ZNF558: variants seen among roughly 807,000 people sequenced by gnomAD.
The protein encoded by ZNF558 is zinc finger protein 558.
ZNF558 carries 23 observed loss-of-function variants against 37.6 expected under a neutral mutation model. That is an observed-to-expected ratio of 0.61 (90% confidence interval 0.44 to 0.87). ZNF558 has a LOEUF of 0.87. Ranked by LOEUF, ZNF558 falls within the 40% of genes least tolerant of loss-of-function variation. The pLI is 0.00. For synonymous variants in ZNF558, 189 were observed against 174.4 expected, an observed-to-expected ratio of 1.08 and a Z score of -0.66; for missense variants, 429 against 483.7, an observed-to-expected ratio of 0.89 and a Z score of 1.06.
chr19:8,819,114 G>A (rs914935121), intron 7 of ZNF558, among the ~76,000 whole-genome samples: 27 of 151,462 alleles, frequency 1.8e-4, no homozygotes, highest in African/African-American at 6.6e-4. Flanking sequence ...TTGAGCAATG[G>A]TTTCTTAGGT....
At chr19:8,818,804 CG>C (rs1333899190) in intron 7 of ZNF558, among the ~76,000 whole-genome samples, 3 of 152,156 alleles carry the variant, frequency 2.0e-5, no homozygotes, top group Admixed American at 2.0e-4. Context: ...CCCAGGTAGG[CG>C]GATCACTTGA....
the ZNF558 span, among the ~76,000 whole-genome samples, chr19:8,837,586 C>T: frequency 1.3e-5 from 2 of 152,112 alleles, no homozygotes; most frequent in African/African-American, 4.8e-5. Context: ...GGCTGGAGGG[C>T]AGAAGGCAGA....
intron 7 of ZNF558, among the ~76,000 whole-genome samples, chr19:8,820,142 T>C (rs959337991): frequency 1.3e-5 from 2 of 152,144 alleles, no homozygotes; most frequent in Non-Finnish European, 2.9e-5. Flanking sequence ...AGGCAAGTGC[T>C]GGGAAGATGC....
chr19:8,837,702 T>C, the ZNF558 span, among the ~76,000 whole-genome samples: 1 of 152,144 alleles, frequency 6.6e-6, no homozygotes, highest in Non-Finnish European at 1.5e-5. Flanking sequence ...GTACCTGAGA[T>C]CTGAGGATAC....
At chr19:8,834,268 G>A (rs1335508371), upstream of ZNF558, among the ~76,000 whole-genome samples, 1 of 152,154 alleles carries the variant, frequency 6.6e-6, no homozygotes, top group East Asian at 1.9e-4. Flanking sequence ...TGGAAAGACT[G>A]TTCTCTTCAA....
Position 8,822,701 on chromosome 19 carries a change from G to C in ZNF558, c.-42C>G, listed in dbSNP as rs183660540. Reference sequence around the variant, plus strand: ...CAACAGGGCAGCCGGGAAGCAGGACGCTCCTCCTTTATCCCGCAGCGCTCT... The same window carrying C: ...CAACAGGGCAGCCGGGAAGCAGGACCCTCCTCCTTTATCCCGCAGCGCTCT... On this transcript the variant is annotated 5_prime_UTR_variant, in exon 5 of 10. Coordinates refer to ENST00000601372, the MANE Select transcript of ZNF558 (RefSeq NM_144693.3). This position sits in a 1 kb window ranked among gnomAD's most constrained non-coding sequence, Gnocchi z 4.4. 27 of 1,613,914 alleles carry C rather than the reference G, an allele frequency of 1.7e-5. No individual in the cohort carries two copies. In the African/African-American group the frequency reaches 3.2e-4, roughly 19 times the overall value.
Position 8,821,721 on chromosome 19 carries a change from T to G in ZNF558, c.120+282A>C. 8.5e-6 allele frequency: 11 copies of G among 1,300,686 alleles called. No homozygotes were observed. The South Asian group carries it at 2.1e-4, about 25-fold the overall frequency. The allele number at this position is 1,300,686 out of a possible 1,614,324, so 80.6% of individuals were successfully genotyped here. A position where few individuals can be genotyped will look rare whatever the true frequency, so the allele number is the denominator to read the frequency against. ...GACTGATTTCCGTGGCGTTTATTAATTGCTTGGGTTTAGAACATCATCACG... is the reference window on the plus strand; with the variant it reads ...GACTGATTTCCGTGGCGTTTATTAAGTGCTTGGGTTTAGAACATCATCACG... On this transcript the variant is annotated intron_variant, in intron 6 of 9. Transcript: ENST00000601372.
At chr19:8,833,545 GTC>G (rs1000459045), upstream of ZNF558, 1 of 152,200 alleles carries the variant, frequency 6.6e-6, no homozygotes, top group Non-Finnish European at 1.5e-5. Context: ...CCCCCAACAA[GTC>G]TCTGTTTTAT....
At chr19:8,838,044 T>A in the ZNF558 span, among the ~76,000 whole-genome samples, 1 of 151,440 alleles carries the variant, frequency 6.6e-6, no homozygotes, top group Non-Finnish European at 1.5e-5. Flanking sequence ...ATCAAGAGAT[T>A]GAGACCATCC....
rs1568457427 is a variant in ZNF558 at position 8,809,327 on chromosome 19, GACTT to G, written c.*1950_*1953del. The G allele has an allele frequency of 6.6e-6, 1 of 152,144 alleles. No homozygotes were observed. Among genetic ancestry groups the G allele is most frequent in the Non-Finnish European group, 1.5e-5 (1 of 68,034 alleles). The allele number at this position is 152,144 out of a possible 1,614,324, so 9.4% of individuals were successfully genotyped here. A position where few individuals can be genotyped will look rare whatever the true frequency, so the allele number is the denominator to read the frequency against. On this transcript the variant is annotated 3_prime_UTR_variant, in exon 10 of 10. Coordinates refer to ENST00000601372, the MANE Select transcript of ZNF558 (RefSeq NM_144693.3). The stretch of plus-strand genomic sequence containing the variant: ...AGGAGATGTTCCACACAGTGACTTC[GACTT>G]ACTTCTCATTGCCAGGGGAGTGCGA...
In ZNF558 at chr19:8,808,913, G is replaced by C. The variant is rs1472970352; in HGVS notation, c.*2368C>G. 1 of 152,160 alleles carries C rather than the reference G, an allele frequency of 6.6e-6. No homozygotes were observed. Among genetic ancestry groups the C allele is most frequent in the African/African-American group, 2.4e-5 (1 of 41,426 alleles). The allele number at this position is 152,160 out of a possible 1,614,324, so 9.4% of individuals were successfully genotyped here. A position where few individuals can be genotyped will look rare whatever the true frequency, so the allele number is the denominator to read the frequency against. ...TCCTGTCTCAGTTTCCCGAGTAGCT[G>C]GGAATACAGGTGTGCACCACCACAC... On this transcript the variant is annotated 3_prime_UTR_variant, in exon 10 of 10. Coordinates refer to ENST00000601372, the MANE Select transcript of ZNF558 (RefSeq NM_144693.3).
chr19:8,813,152 TC>T lies in ZNF558; in HGVS notation c.317del (p.Arg106LysfsTer20). 1 of 1,595,808 alleles carries T rather than the reference TC, an allele frequency of 6.3e-7. No homozygotes were observed. The highest frequency in any genetic ancestry group is 8.5e-7 in the Non-Finnish European group (1 of 1,170,360). ...EQDKKVVTEE[R>X]GILPSTCPDL... ...CTGGACAGGTGCTTGGTAGAATTCCTCTTTCCTCTGTCACCACCTTCTTGTC... is the reference window on the plus strand; with the variant it reads ...CTGGACAGGTGCTTGGTAGAATTCCTTTTCCTCTGTCACCACCTTCTTGTC... On this transcript the variant is annotated frameshift_variant, in exon 8 of 10. Coordinates refer to ENST00000601372, the MANE Select transcript of ZNF558 (RefSeq NM_144693.3). LOFTEE classifies it high-confidence loss of function.
rs782218502 is a variant in ZNF558 at position 8,811,849 on chromosome 19, C to T, written c.641G>A (p.Gly214Glu). Residue 214 changes from glycine to glutamate, a missense_variant, in exon 10 of 10, where the codon GGG becomes GAG. Physicochemically the swap from Gly to Glu is moderately conservative, Grantham distance 98. Transcript: ENST00000601372. Reference protein sequence around the residue: ...GEKPYECNHCGKAFSDPSSLR... With the variant: ...GEKPYECNHCEKAFSDPSSLR... ...GGATGAGGGATCACTAAATGCTTTC[C>T]CACAGTGATTGCATTCATAGGGTTT... 2 of 1,613,990 alleles carry T rather than the reference C, an allele frequency of 1.2e-6. No homozygotes were observed. The highest frequency in any genetic ancestry group is 1.7e-6 in the Non-Finnish European group (2 of 1,179,958).
At position 8,807,910 on chromosome 19, in the gene ZNF558, C is replaced by G. The variant is rs2043716106; in HGVS notation, c.*3371G>C. 1 of 152,146 alleles carries G rather than the reference C, an allele frequency of 6.6e-6. No individual in the cohort carries two copies. Among genetic ancestry groups the G allele is most frequent in the Admixed American group, 6.5e-5 (1 of 15,272 alleles). 9.4% of individuals were successfully genotyped at this position (152,146 alleles called of 1,614,324 possible). A position where few individuals can be genotyped will look rare whatever the true frequency, so the allele number is the denominator to read the frequency against. On this transcript the variant is annotated 3_prime_UTR_variant, in exon 10 of 10. Coordinates refer to ENST00000601372, the MANE Select transcript of ZNF558 (RefSeq NM_144693.3). ...TGGACTGTCTGGGTTCAGATCTTGG[C>G]TCTACCATTTACCAGTCAGTGAATG... is the stretch of plus-strand genomic sequence containing the variant.
At position 8,806,574 on chromosome 19, in the gene ZNF558, C is replaced by CTACA. The variant is rs1413669463; in HGVS notation, c.*4706_*4707insTGTA. The CTACA allele has an allele frequency of 6.6e-6, 1 of 152,046 alleles. No homozygotes were observed. The highest frequency in any genetic ancestry group is 1.5e-5 in the Non-Finnish European group (1 of 68,072). 9.4% of individuals were successfully genotyped at this position (152,046 alleles called of 1,614,324 possible). On this transcript the variant is annotated 3_prime_UTR_variant, in exon 10 of 10. Coordinates refer to ENST00000601372, the MANE Select transcript of ZNF558 (RefSeq NM_144693.3). ...ATTAGCTGGGCGTGGTAGCACACAC[C>CTACA]TGTAGTCCCAGCTACTCAGGAGGCT...
In ZNF558 at chr19:8,822,702, C is replaced by T. The variant is rs186875240; in HGVS notation, c.-43G>A. On this transcript the variant is annotated 5_prime_UTR_variant, in exon 5 of 10. Coordinates refer to ENST00000601372, the MANE Select transcript of ZNF558 (RefSeq NM_144693.3). This position sits in a 1 kb window ranked among gnomAD's most constrained non-coding sequence, Gnocchi z 4.4. ...AACAGGGCAGCCGGGAAGCAGGACGCTCCTCCTTTATCCCGCAGCGCTCTG... is the reference window on the plus strand; with the variant it reads ...AACAGGGCAGCCGGGAAGCAGGACGTTCCTCCTTTATCCCGCAGCGCTCTG... 3.3e-5 allele frequency: 53 copies of T among 1,613,986 alleles called. No individual in the cohort carries two copies. In the African/African-American group the frequency reaches 6.0e-4, roughly 18 times the overall value.
In ZNF558 at chr19:8,809,724, A is replaced by C. The variant is rs1450702307; in HGVS notation, c.*1557T>G. The C allele has an allele frequency of 6.6e-6, 1 of 152,234 alleles. No individual in the cohort carries two copies. The highest frequency in any genetic ancestry group is 1.5e-5 in the Non-Finnish European group (1 of 68,038). The allele number at this position is 152,234 out of a possible 1,614,324, so 9.4% of individuals were successfully genotyped here. A position where few individuals can be genotyped will look rare whatever the true frequency, so the allele number is the denominator to read the frequency against. On this transcript the variant is annotated 3_prime_UTR_variant, in exon 10 of 10. Coordinates refer to ENST00000601372, the MANE Select transcript of ZNF558 (RefSeq NM_144693.3). ...TTGCATTAAAATTATGAAATATGTT[A>C]ATGTTTATTTTAGGGAACAGCTATA...
chr19:8,828,892 G>C (rs2044288996), intron 2 of ZNF558, among the ~76,000 whole-genome samples: 1 of 151,682 alleles, frequency 6.6e-6, no homozygotes, highest in Non-Finnish European at 1.5e-5. Flanking sequence ...GAACCTGGGA[G>C]GCAGACGTTG....
upstream of ZNF558, among the ~76,000 whole-genome samples, chr19:8,835,140 C>T (rs2044441641): frequency 6.6e-6 from 1 of 151,946 alleles, no homozygotes; most frequent in African/African-American, 2.4e-5. Context: ...CATCCTCTGC[C>T]TCCTGGATTC....
Sources: gnomAD v4.1 joint callset for allele counts (sites outside exome capture counted in the v4.1 genomes callset) on GRCh38, gnomAD v4.1.1 for gene constraint, Gnocchi (gnomAD v3.1) non-coding constraint, MANE v1.5 for transcripts, NCBI Gene and HGNC (gene_info 2026-07-23, HGNC 2026-07-21) for gene names.